Variants in NAALADL2 observed in about 807,000 individuals in gnomAD.
NAALADL2 encodes the protein N-acetylated alpha-linked acidic dipeptidase like 2.
A neutral mutation model predicts 87.2 loss-of-function variants in NAALADL2; 76 were observed. That is an observed-to-expected ratio of 0.87 (90% CI 0.72 to 1.05). The LOEUF is 1.05. NAALADL2 is among the 50% of genes least tolerant of loss of function. The pLI, the probability that NAALADL2 is intolerant of heterozygous loss-of-function variation, is 0.00. For synonymous variants in NAALADL2, 354 were observed against 331.0 expected, an observed-to-expected ratio of 1.07 and a Z score of -0.75; for missense variants, 1,089 against 945.8, an observed-to-expected ratio of 1.15 and a Z score of -1.99.
chr3:174,998,433 A>C (rs1356793006), intron 1 of NAALADL2, among the ~76,000 whole-genome samples: 1 of 152,080 alleles, frequency 6.6e-6, no homozygotes, highest in Admixed American at 6.6e-5. Flanking sequence ...AGAAGAGAAG[A>C]CTCCCTCAAG....
At chr3:175,373,048 G>T (rs1235579606) in intron 5 of NAALADL2, among the ~76,000 whole-genome samples, 2 of 152,052 alleles carry the variant, frequency 1.3e-5, no homozygotes, top group Non-Finnish European at 2.9e-5. Flanking sequence ...GAATAATTTT[G>T]GTAACTACTT....
chr3:175,540,830 A>G (rs913512760), intron 9 of NAALADL2, among the ~76,000 whole-genome samples: 2 of 152,200 alleles, frequency 1.3e-5, no homozygotes, highest in Admixed American at 1.3e-4. Context: ...CTGAAGGACT[A>G]AACACTCGCC....
At chr3:174,721,043 T>C (rs1336627766) in intron 2 of NAALADL2, among the ~76,000 whole-genome samples, 1 of 152,196 alleles carries the variant, frequency 6.6e-6, no homozygotes, top group Non-Finnish European at 1.5e-5. Flanking sequence ...CTGATAGAGA[T>C]AATATATCAT....
At chr3:175,505,015 G>GT (rs1402482868) in intron 9 of NAALADL2, among the ~76,000 whole-genome samples, 1 of 152,056 alleles carries the variant, frequency 6.6e-6, no homozygotes, top group African/African-American at 2.4e-5. Context: ...ATTATTTGAC[G>GT]TTTCTCTTAT....
intron 2 of NAALADL2, among the ~76,000 whole-genome samples, chr3:174,723,148 T>C (rs1731860997): frequency 6.6e-6 from 1 of 152,140 alleles, no homozygotes; most frequent in Non-Finnish European, 1.5e-5. Context: ...TGAGGGAAAT[T>C]GAATGGACAT....
chr3:175,216,848 T>C (rs145131022), intron 2 of NAALADL2, among the ~76,000 whole-genome samples: 2,471 of 152,036 alleles, frequency 0.016, 73 homozygotes, highest in African/African-American at 0.057. Context: ...TTTGTATTTT[T>C]AGGAGAGATG....
intron 1 of NAALADL2, chr3:175,059,711 T>A: frequency 3.2e-6 from 1 of 311,160 alleles, no homozygotes; most frequent in Non-Finnish European, 6.2e-6. Flanking sequence ...CTCCTCCTTA[T>A]CAGATCCAAG....
chr3:174,473,077 C>T (rs909451084), intron 1 of NAALADL2, among the ~76,000 whole-genome samples: 8 of 152,122 alleles, frequency 5.3e-5, no homozygotes, highest in African/African-American at 9.7e-5. Flanking sequence ...AACCCTGATA[C>T]GTCTTCCAGT....
intron 5 of NAALADL2, among the ~76,000 whole-genome samples, chr3:175,355,274 C>T (rs1458951391): frequency 1.3e-5 from 2 of 151,692 alleles, no homozygotes; most frequent in Admixed American, 6.6e-5. Context: ...ACCATGTTGC[C>T]CAGGCTGGTC....
intron 2 of NAALADL2, among the ~76,000 whole-genome samples, chr3:175,149,558 T>C (rs1440713313): frequency 6.6e-6 from 1 of 151,882 alleles, no homozygotes; most frequent in Non-Finnish European, 1.5e-5. Flanking sequence ...TATTTTCTTC[T>C]TATTTATACA....
intron 1 of NAALADL2, among the ~76,000 whole-genome samples, chr3:174,884,347 G>T (rs959278124): frequency 6.6e-6 from 1 of 152,122 alleles, no homozygotes. Flanking sequence ...GAAAAGTATT[G>T]TCACCTAGTT....
rs181078184 is a variant in NAALADL2, at chr3:175,589,562, C to T, written c.1800+13375C>T. ...TCTATCTAAAATAAAATTAATATAG[C>T]TTTTCATGTTATTTAAAAACACGTA... On this transcript the variant is annotated intron_variant, in intron 10 of 13. Coordinates refer to ENST00000454872, the MANE Select transcript of NAALADL2 (RefSeq NM_207015.3). Among the ~76,000 whole-genome samples the T allele has an allele frequency of 2.0e-3, 309 of 151,582 alleles. 1 individual carries two copies. The highest frequency in any genetic ancestry group is 7.0e-3 in the African/African-American group (289 of 41,342).
rs191366695 is a variant in NAALADL2, at chr3:174,919,715, A to G, written c.43+60265A>G. 2.9e-3 allele frequency among the ~76,000 whole-genome samples: 440 copies of G among 152,346 alleles called. 3 individuals carry two copies. Among genetic ancestry groups the G allele is most frequent in the African/African-American group, 0.01 (427 of 41,582 alleles). On this transcript the variant is annotated intron_variant, in intron 1 of 13. Coordinates refer to ENST00000454872, the MANE Select transcript of NAALADL2 (RefSeq NM_207015.3). ...GTCATGAATATTATTAATGGCGTAT[A>G]GAATGATAAATTATTTCCAAAAGGT... is the stretch of plus-strand genomic sequence containing the variant.
At chr3:175,749,692 G>C (rs1452061677) in intron 12 of NAALADL2, among the ~76,000 whole-genome samples, 1 of 152,192 alleles carries the variant, frequency 6.6e-6, no homozygotes, top group Non-Finnish European at 1.5e-5. Context: ...TTTTCAACAT[G>C]AGTTTTGGAG....
chr3:175,691,842 T>A (rs1447945351), intron 11 of NAALADL2, among the ~76,000 whole-genome samples: 1 of 152,144 alleles, frequency 6.6e-6, no homozygotes, highest in Non-Finnish European at 1.5e-5. Flanking sequence ...TAAAATAATT[T>A]AAAAGTTTTT....
chr3:175,182,933 T>C (rs375533735), intron 2 of NAALADL2, among the ~76,000 whole-genome samples: 1 of 152,054 alleles, frequency 6.6e-6, no homozygotes, highest in East Asian at 1.9e-4. Flanking sequence ...AGATTCTTTT[T>C]AGTTACTATA....
At chr3:175,354,958 T>C (rs1026729974) in intron 5 of NAALADL2, among the ~76,000 whole-genome samples, 2 of 150,116 alleles carry the variant, frequency 1.3e-5, no homozygotes, top group Admixed American at 6.7e-5. Context: ...TGTGTATGTG[T>C]ATATATAATT....
At chr3:174,870,391 T>A (rs1727673223) in intron 1 of NAALADL2, among the ~76,000 whole-genome samples, 1 of 152,168 alleles carries the variant, frequency 6.6e-6, no homozygotes, top group African/African-American at 2.4e-5. Context: ...TATATACCAC[T>A]GACCATATAG....
At chr3:174,536,956 A>G (rs1271440280) in intron 1 of NAALADL2, among the ~76,000 whole-genome samples, 4 of 152,202 alleles carry the variant, frequency 2.6e-5, no homozygotes, top group Non-Finnish European at 5.9e-5. Flanking sequence ...TTACTTGTAA[A>G]TAAGACATGG....
Sources: gnomAD v4.1 joint callset for allele counts (sites outside exome capture counted in the v4.1 genomes callset) on GRCh38, gnomAD v4.1.1 for gene constraint, MANE v1.5 for transcripts, NCBI Gene and HGNC (gene_info 2026-07-23, HGNC 2026-07-21) for gene names.